The following SDK1 variants were observed in gnomAD, a reference collection of about 807,000 sequenced individuals.
The protein encoded by SDK1 is protein sidekick-1.
Under a neutral mutation model 245.5 loss-of-function variants are expected in SDK1, and 157 were observed. The ratio of observed to expected loss-of-function variants is 0.64; its 90% CI spans 0.56 to 0.73. The LOEUF is 0.73. SDK1 is among the 30% of genes least tolerant of loss of function. The pLI is 0.00. For missense variants in SDK1, 3,583 were observed against 3,002.3 expected (o/e 1.19, Z -4.52); for synonymous variants, 1,647 against 1,278.5 (o/e 1.29, Z -6.15).
intron 1 of SDK1, among the ~76,000 whole-genome samples, chr7:3,557,836 T>C (rs1456678854): frequency 6.6e-6 from 1 of 152,152 alleles, no homozygotes; most frequent in Non-Finnish European, 1.5e-5. Context: ...GACCTTGTTC[T>C]CATTCACACG....
In SDK1 at chr7:3,372,596, A is replaced by G. The variant is rs147943585; in HGVS notation, c.298+70712A>G. On this transcript the variant is annotated intron_variant, in intron 1 of 44. Coordinates refer to ENST00000404826, the MANE Select transcript of SDK1 (RefSeq NM_152744.4). Reference sequence around the variant, plus strand: ...CAAGACCCTGAGCTTTGAGAACGTCACTGGGCCCCCAAAATGAACCCTGTA... The same window carrying G: ...CAAGACCCTGAGCTTTGAGAACGTCGCTGGGCCCCCAAAATGAACCCTGTA... Among the ~76,000 whole-genome samples the G allele has an allele frequency of 4.2e-3, 634 of 152,258 alleles. 9 individuals carry two copies. The highest frequency in any genetic ancestry group is 0.018 in the South Asian group (86 of 4,822).
At chr7:3,752,406 A>G (rs7798663) in intron 4 of SDK1, among the ~76,000 whole-genome samples, 145,528 of 152,198 alleles carry the variant, frequency 0.96, 69,623 homozygotes, top group East Asian at 1. Context: ...TTTTAATGCC[A>G]TCTGACCTCA....
Position 3,981,767 on chromosome 7 carries a change from G to C in SDK1, c.1995-5419G>C, listed in dbSNP as rs1783418752. On this transcript the variant is annotated intron_variant, in intron 13 of 44. Transcript: ENST00000404826. ...GTGAAGACAGAGAGGTGAGGAAGCT[G>C]CAGAAGAAAAATTGGAAGCTAGCAG... 3.3e-5 allele frequency among the ~76,000 whole-genome samples: 5 copies of C among 152,194 alleles called. No homozygotes were observed. The South Asian group carries it at 1.0e-3, about 32-fold the overall frequency.
chr7:4,037,055 A>T (rs575097923), intron 17 of SDK1, among the ~76,000 whole-genome samples: 26 of 152,322 alleles, frequency 1.7e-4, no homozygotes, highest in African/African-American at 6.0e-4. Flanking sequence ...ACCAAAAGTA[A>T]TAACAATGAT....
intron 1 of SDK1, among the ~76,000 whole-genome samples, chr7:3,504,494 C>G (rs766534266): frequency 6.6e-6 from 1 of 151,988 alleles, no homozygotes; most frequent in Non-Finnish European, 1.5e-5. Flanking sequence ...AATTGAGAAT[C>G]TAGAAATCTT....
intron 44 of SDK1, among the ~76,000 whole-genome samples, chr7:4,248,759 T>C (rs547414797): frequency 4.7e-4 from 72 of 152,196 alleles, no homozygotes; most frequent in Non-Finnish European, 8.8e-4. Context: ...AATTTGCATG[T>C]GCACACATAC....
chr7:4,139,093 C>T (rs772100027), intron 28 of SDK1, among the ~76,000 whole-genome samples: 6 of 151,812 alleles, frequency 4.0e-5, no homozygotes, highest in Non-Finnish European at 8.8e-5. Context: ...GGTTCTCCAC[C>T]GGCCCCCACA....
At chr7:3,630,680 G>T (rs1479279029) in intron 2 of SDK1, among the ~76,000 whole-genome samples, 1 of 152,062 alleles carries the variant, frequency 6.6e-6, no homozygotes, top group Non-Finnish European at 1.5e-5. Context: ...CTGAAGTAAG[G>T]ATAAATCTGA....
intron 40 of SDK1, among the ~76,000 whole-genome samples, chr7:4,229,400 A>T (rs1332473772): frequency 6.6e-6 from 1 of 152,232 alleles, no homozygotes; most frequent in Non-Finnish European, 1.5e-5. Flanking sequence ...TCGGTATGAC[A>T]TTCCCCCTCA....
chr7:3,410,794 CCATGCTGGTCTCGAACT>C (rs1419410754), intron 1 of SDK1, among the ~76,000 whole-genome samples: 1 of 152,046 alleles, frequency 6.6e-6, no homozygotes. Context: ...ACCATTTTGG[CCATGCTGGTCTCGAACT>C]CCTGACCTCA....
chr7:3,738,909 A>C (rs1779397153), intron 4 of SDK1, among the ~76,000 whole-genome samples: 1 of 152,012 alleles, frequency 6.6e-6, no homozygotes. Flanking sequence ...TTATTCTAAC[A>C]GGTTTTTTGT....
At chr7:4,012,696 C>G (rs1012030028) in intron 16 of SDK1, among the ~76,000 whole-genome samples, 1 of 151,132 alleles carries the variant, frequency 6.6e-6, no homozygotes, top group East Asian at 2.0e-4. Context: ...GCCTCAGCCT[C>G]CCGAGTAGCT....
At chr7:3,708,897 C>T (rs1784957860) in intron 4 of SDK1, among the ~76,000 whole-genome samples, 1 of 152,240 alleles carries the variant, frequency 6.6e-6, no homozygotes, top group South Asian at 2.1e-4. Context: ...CATTTACATT[C>T]AGTGTTAATA....
chr7:3,848,625 A>C (rs1780339797), intron 5 of SDK1, among the ~76,000 whole-genome samples: 1 of 152,026 alleles, frequency 6.6e-6, no homozygotes, highest in African/African-American at 2.4e-5. Context: ...GGGAACATAG[A>C]AGACCACCAC....
intron 22 of SDK1, among the ~76,000 whole-genome samples, chr7:4,096,672 G>T (rs1323877224): frequency 6.6e-6 from 1 of 152,106 alleles, no homozygotes; most frequent in African/African-American, 2.4e-5. Flanking sequence ...TTGAGACACT[G>T]TGACCTTCAG....
At chr7:4,142,870 T>C (rs1314293791) in intron 28 of SDK1, among the ~76,000 whole-genome samples, 1 of 152,238 alleles carries the variant, frequency 6.6e-6, no homozygotes, top group Non-Finnish European at 1.5e-5. Flanking sequence ...AAAGGCAGCT[T>C]AAGCCTAGAA....
At chr7:4,199,486 T>G (rs1783766768) in intron 35 of SDK1, among the ~76,000 whole-genome samples, 1 of 152,226 alleles carries the variant, frequency 6.6e-6, no homozygotes, top group Non-Finnish European at 1.5e-5. Context: ...CTAGCAGTAT[T>G]GAAGTTTCAG....
intron 19 of SDK1, among the ~76,000 whole-genome samples, chr7:4,058,627 C>G (rs929746363): frequency 1.3e-5 from 2 of 152,148 alleles, no homozygotes; most frequent in African/African-American, 2.4e-5. Flanking sequence ...TATAAGAGAA[C>G]CCCCATCAGA....
At position 3,974,421 on chromosome 7, in the gene SDK1, A is replaced by G. The variant is rs1296431843; in HGVS notation, c.1870A>G (p.Ile624Val). The G allele has an allele frequency of 6.2e-7, 1 of 1,613,998 alleles. No individual in the cohort carries two copies. The highest frequency in any genetic ancestry group is 8.5e-7 in the Non-Finnish European group (1 of 1,180,028). The change falls in exon 13 of 45, where the codon ATC becomes GTC. Residue 624 changes from isoleucine (I) to valine (V), a missense_variant. Physicochemically the swap from Ile to Val is conservative, Grantham distance 29. Coordinates refer to ENST00000404826, the MANE Select transcript of SDK1 (RefSeq NM_152744.4). The stretch of plus-strand genomic sequence containing the variant: ...CCTGACTCCATCGAGCACGTCTAGG[A>G]TCGTGGTGGAGAAGGACGGGTCCCT... Reference protein sequence around the residue: ...VALTPSSTSRIVVEKDGSLLI... With the variant: ...VALTPSSTSRVVVEKDGSLLI...
Sources: allele counts gnomAD v4.1 joint callset (sites outside exome capture counted in the v4.1 genomes callset), GRCh38; gene constraint gnomAD v4.1.1; transcripts MANE v1.5; gene names NCBI Gene and HGNC (gene_info 2026-07-23, HGNC 2026-07-21).